Variants in GRM5 observed in about 807,000 individuals in gnomAD.
GRM5 encodes the protein glutamate metabotropic receptor 5.
A neutral mutation model predicts 83.1 loss-of-function variants in GRM5; 19 were observed. That is an observed-to-expected ratio of 0.23 (90% CI 0.16 to 0.34). The LOEUF is 0.34. GRM5 is among the 10% of genes least tolerant of loss of function. GRM5 has a pLI of 1.00. For missense variants in GRM5, 1,160 were observed against 1,588.3 expected (o/e 0.73, Z 4.58); for synonymous variants, 675 against 633.6 (o/e 1.07, Z -0.98).
chr11:89,028,619 C>T (rs1250301251), intron 2 of GRM5, among the ~76,000 whole-genome samples: 1 of 152,050 alleles, frequency 6.6e-6, no homozygotes, highest in Middle Eastern at 3.2e-3. Flanking sequence ...ATCCAAAACA[C>T]ATTTGAAGTA....
intron 2 of GRM5, among the ~76,000 whole-genome samples, chr11:88,973,693 G>T (rs1939237830): frequency 6.6e-6 from 1 of 152,102 alleles, no homozygotes; most frequent in Non-Finnish European, 1.5e-5. Flanking sequence ...AATTTCTGTT[G>T]TTTAAATCCA....
intron 1 of GRM5, among the ~76,000 whole-genome samples, chr11:89,052,104 G>T (rs564556956): frequency 3.9e-5 from 6 of 152,302 alleles, no homozygotes; most frequent in African/African-American, 1.2e-4. Context: ...GTGAGGGGCA[G>T]AAGAAAATTA....
intron 2 of GRM5, among the ~76,000 whole-genome samples, chr11:88,900,816 C>T (rs1297801949): frequency 1.3e-5 from 2 of 152,054 alleles, no homozygotes; most frequent in South Asian, 2.1e-4. Flanking sequence ...GCATCTGTCC[C>T]GCAGTACAGA....
intron 2 of GRM5, among the ~76,000 whole-genome samples, chr11:89,004,902 C>T: frequency 6.6e-6 from 1 of 152,210 alleles, no homozygotes; most frequent in East Asian, 1.9e-4. Flanking sequence ...GTCCTTCAAA[C>T]AGAGCTCTTC....
At chr11:88,936,688 A>G (rs966502465) in intron 2 of GRM5, among the ~76,000 whole-genome samples, 1 of 151,902 alleles carries the variant, frequency 6.6e-6, no homozygotes, top group Non-Finnish European at 1.5e-5. Flanking sequence ...TAATATTTTT[A>G]AACTGATAAC....
chr11:88,901,816 A>T (rs1316819380), intron 2 of GRM5, among the ~76,000 whole-genome samples: 1 of 152,214 alleles, frequency 6.6e-6, no homozygotes. Context: ...TTAATTACTT[A>T]ACATTTTTGA....
rs1433717296 is a variant in GRM5 at position 88,505,374 on chromosome 11, G to A, written c.*3218C>T. 1 of 152,212 alleles carries A rather than the reference G, an allele frequency of 6.6e-6. No homozygotes were observed. The highest frequency in any genetic ancestry group is 1.5e-5 in the Non-Finnish European group (1 of 68,012). The allele number at this position is 152,212 out of a possible 1,614,324, so 9.4% of individuals were successfully genotyped here. A position where few individuals can be genotyped will look rare whatever the true frequency, so the allele number is the denominator to read the frequency against. On this transcript the variant is annotated 3_prime_UTR_variant, in exon 10 of 10. Transcript: ENST00000305447. Reference sequence around the variant, plus strand: ...AGAGCATTTAATTCCTGGCTTGGAAGTCACAGAACTGCAGCAGAGCTATTA... The same window carrying A: ...AGAGCATTTAATTCCTGGCTTGGAAATCACAGAACTGCAGCAGAGCTATTA...
At chr11:89,034,100 A>T (rs1298625905) in intron 2 of GRM5, among the ~76,000 whole-genome samples, 1 of 151,750 alleles carries the variant, frequency 6.6e-6, no homozygotes, top group Non-Finnish European at 1.5e-5. Flanking sequence ...TAAATAAGCC[A>T]GAGAATATCT....
chr11:88,610,809 G>A (rs1938291954), intron 4 of GRM5, among the ~76,000 whole-genome samples: 1 of 152,170 alleles, frequency 6.6e-6, no homozygotes, highest in Non-Finnish European at 1.5e-5. Flanking sequence ...TTCTCAGAAG[G>A]AATGCTTCCA....
intron 2 of GRM5, among the ~76,000 whole-genome samples, chr11:89,022,583 C>T (rs569799954): frequency 4.8e-4 from 73 of 151,584 alleles, no homozygotes; most frequent in Non-Finnish European, 9.3e-4. Flanking sequence ...ACCTGGGAGG[C>T]GGGGATTGCA....
At chr11:89,055,133 T>C (rs1206614771) in intron 1 of GRM5, among the ~76,000 whole-genome samples, 1 of 152,218 alleles carries the variant, frequency 6.6e-6, no homozygotes, top group Non-Finnish European at 1.5e-5. Flanking sequence ...ATGCTGCTTC[T>C]GATCCCTGAT....
chr11:88,842,694 C>G (rs544887732), intron 3 of GRM5, among the ~76,000 whole-genome samples: 1 of 151,348 alleles, frequency 6.6e-6, no homozygotes, highest in Non-Finnish European at 1.5e-5. Context: ...TAGAGTTCAT[C>G]TTTTTTTTTC....
At chr11:88,646,435 T>C (rs1004102383) in intron 4 of GRM5, among the ~76,000 whole-genome samples, 4 of 152,054 alleles carry the variant, frequency 2.6e-5, no homozygotes, top group Admixed American at 6.6e-5. Context: ...TAATACCAAG[T>C]AGTTAAAACA....
At chr11:88,738,208 A>G (rs1409239952) in intron 3 of GRM5, among the ~76,000 whole-genome samples, 2 of 152,062 alleles carry the variant, frequency 1.3e-5, no homozygotes, top group Admixed American at 1.3e-4. Context: ...GTGGCAGAAT[A>G]GAGTGAAAAA....
At chr11:88,938,882 TCAAA>T (rs1309579821) in intron 2 of GRM5, among the ~76,000 whole-genome samples, 1 of 151,784 alleles carries the variant, frequency 6.6e-6, no homozygotes, top group Non-Finnish European at 1.5e-5. Flanking sequence ...CAAGATGGTA[TCAAA>T]CAAACTGTCT....
At position 89,065,810 on chromosome 11, in the gene GRM5, G is replaced by C. The variant is rs1942088613; in HGVS notation, c.-235C>G. 2 of 152,410 alleles carry C rather than the reference G, an allele frequency of 1.3e-5. No homozygotes were observed. Among genetic ancestry groups the C allele is most frequent in the Admixed American group, 1.3e-4 (2 of 15,312 alleles). 9.4% of individuals were successfully genotyped at this position (152,410 alleles called of 1,614,324 possible). A position where few individuals can be genotyped will look rare whatever the true frequency, so the allele number is the denominator to read the frequency against. On this transcript the variant is annotated 5_prime_UTR_variant, in exon 1 of 10. Transcript: ENST00000305447. ...GCCCTGAGCCTTGCGCCCCCAGGCAGCCGCTCCTCGAGGGCTTCCTGCGCT... is the reference window on the plus strand; with the variant it reads ...GCCCTGAGCCTTGCGCCCCCAGGCACCCGCTCCTCGAGGGCTTCCTGCGCT...
intron 3 of GRM5, among the ~76,000 whole-genome samples, chr11:88,733,321 G>A (rs1446550588): frequency 6.6e-6 from 1 of 151,952 alleles, no homozygotes; most frequent in East Asian, 1.9e-4. Flanking sequence ...CCTCTAATCT[G>A]TTTGGGAAGG....
At chr11:88,593,982 G>A (rs1254278578) in intron 6 of GRM5, among the ~76,000 whole-genome samples, 1 of 151,786 alleles carries the variant, frequency 6.6e-6, no homozygotes, top group Non-Finnish European at 1.5e-5. Context: ...TTTTAGTAGA[G>A]ACGGGGTTTT....
chr11:88,731,105 A>G (rs12291471), intron 3 of GRM5, among the ~76,000 whole-genome samples: 34,915 of 152,036 alleles, frequency 0.23, 6,098 homozygotes, highest in African/African-American at 0.48. Flanking sequence ...AGAAACTTCT[A>G]TTATCCACAA....
Sources: gnomAD v4.1 joint callset for allele counts (sites outside exome capture counted in the v4.1 genomes callset) on GRCh38, gnomAD v4.1.1 for gene constraint, MANE v1.5 for transcripts, NCBI Gene and HGNC (gene_info 2026-07-23, HGNC 2026-07-21) for gene names.